MAGI1: variants seen among roughly 807,000 people sequenced by gnomAD.
MAGI1 encodes the protein membrane associated guanylate kinase, WW and PDZ domain containing 1.
In MAGI1, 58 loss-of-function variants were observed where a neutral mutation model predicts 139.9. The ratio of observed to expected loss-of-function variants is 0.41; its 90% confidence interval spans 0.34 to 0.52. The LOEUF (loss-of-function observed/expected upper bound fraction) is 0.52. Ranked by LOEUF, MAGI1 falls within the 20% of genes least tolerant of loss-of-function variation. The pLI, the probability that MAGI1 is intolerant of heterozygous loss-of-function variation, is 0.12. For synonymous variants in MAGI1, 812 were observed against 737.9 expected (o/e 1.10, Z -1.63); for missense variants, 1,874 against 1,901.6 (o/e 0.99, Z 0.27).
chr3:65,989,219 T>C (rs2066037621), intron 1 of MAGI1, among the ~76,000 whole-genome samples: 1 of 152,228 alleles, frequency 6.6e-6, no homozygotes, highest in African/African-American at 2.4e-5. Flanking sequence ...ATAGAAATAA[T>C]GTAAAACATA....
At chr3:65,696,281 T>C (rs1391304844) in intron 1 of MAGI1, among the ~76,000 whole-genome samples, 2 of 152,182 alleles carry the variant, frequency 1.3e-5, no homozygotes, top group Non-Finnish European at 2.9e-5. Flanking sequence ...CTTTCTGCCA[T>C]TTCATTCAGC....
rs1553705566 is a variant in MAGI1, at chr3:65,777,655, A to AG, written c.314-155568_314-155567insC. On this transcript the variant is annotated intron_variant, in intron 1 of 22. Coordinates refer to ENST00000402939, the MANE Select transcript of MAGI1 (RefSeq NM_001033057.2). ...AGACTCTTATCACAAAAAAAAAAAA[A>AG]AAAGAAAGAAAGAAAGAAAAAGAAA... 1.0e-3 allele frequency among the ~76,000 whole-genome samples: 147 copies of AG among 145,446 alleles called. 1 individual carries two copies. The highest frequency in any genetic ancestry group is 2.3e-3 in the African/African-American group (88 of 39,096).
chr3:65,828,904 G>A (rs371086687), intron 1 of MAGI1, among the ~76,000 whole-genome samples: 83 of 152,298 alleles, frequency 5.4e-4, no homozygotes, highest in African/African-American at 1.9e-3. Flanking sequence ...AGAGGCAGAG[G>A]GCCATGAGTC....
At chr3:65,903,208 G>A (rs2061310171) in intron 1 of MAGI1, among the ~76,000 whole-genome samples, 1 of 152,142 alleles carries the variant, frequency 6.6e-6, no homozygotes, top group African/African-American at 2.4e-5. Flanking sequence ...TGCCCAGGCT[G>A]GTTCTGAACT....
At chr3:65,745,142 G>T (rs28492055) in intron 1 of MAGI1, among the ~76,000 whole-genome samples, 2 of 151,902 alleles carry the variant, frequency 1.3e-5, no homozygotes, top group African/African-American at 4.8e-5. Context: ...AACTATTTTC[G>T]CATATTAAAT....
At chr3:66,010,695 C>T (rs1400789495) in intron 1 of MAGI1, among the ~76,000 whole-genome samples, 2 of 152,200 alleles carry the variant, frequency 1.3e-5, no homozygotes, top group Non-Finnish European at 2.9e-5. Context: ...ATCTAACTTT[C>T]TTTTCAGAAT....
At chr3:65,480,085 T>A (rs9817894) in intron 3 of MAGI1, among the ~76,000 whole-genome samples, 20,351 of 151,244 alleles carry the variant, frequency 0.13, 1,509 homozygotes, top group Middle Eastern at 0.19. Flanking sequence ...ACACACTGTA[T>A]CTTCCTAAGG....
At chr3:65,646,539 C>G (rs2085272271) in intron 1 of MAGI1, among the ~76,000 whole-genome samples, 1 of 152,056 alleles carries the variant, frequency 6.6e-6, no homozygotes, top group Admixed American at 6.6e-5. Context: ...TCAACACCTT[C>G]AAACAACAGG....
At chr3:65,494,926 A>G (rs1056529112) in intron 2 of MAGI1, among the ~76,000 whole-genome samples, 1 of 152,212 alleles carries the variant, frequency 6.6e-6, no homozygotes, top group Non-Finnish European at 1.5e-5. Flanking sequence ...ATAGCTGCAA[A>G]TTGGGCATAG....
chr3:65,999,729 C>T (rs1449580863), intron 1 of MAGI1, among the ~76,000 whole-genome samples: 1 of 152,102 alleles, frequency 6.6e-6, no homozygotes, highest in Non-Finnish European at 1.5e-5. Context: ...GCTCCACAAT[C>T]GTTTTGCCAT....
chr3:66,015,489 C>T (rs747404295), intron 1 of MAGI1, among the ~76,000 whole-genome samples: 23 of 152,044 alleles, frequency 1.5e-4, no homozygotes, highest in Non-Finnish European at 2.8e-4. Flanking sequence ...TCCTCTGTGC[C>T]TCAATTTCCT....
Position 65,437,134 on chromosome 3 carries a change from T to G in MAGI1, c.1363+21A>C. The G allele has an allele frequency of 2.0e-6, 3 of 1,530,244 alleles. No homozygotes were observed. The South Asian group carries it at 3.6e-5, about 18-fold the overall frequency. 94.8% of individuals were successfully genotyped at this position (1,530,244 alleles called of 1,614,324 possible). Reference sequence around the variant, plus strand: ...ATTTTGAGCTAAAACCATGACACAATTAGAAAGACAAGTACTTTACCCTGA... The same window carrying G: ...ATTTTGAGCTAAAACCATGACACAAGTAGAAAGACAAGTACTTTACCCTGA... On this transcript the variant is annotated intron_variant, in intron 10 of 22. Transcript: ENST00000402939.
At chr3:65,985,932 C>A (rs750726505) in intron 1 of MAGI1, among the ~76,000 whole-genome samples, 6 of 152,184 alleles carry the variant, frequency 3.9e-5, no homozygotes, top group Non-Finnish European at 5.9e-5. Flanking sequence ...AGTGACTTGG[C>A]TTAGAACTGT....
chr3:65,497,020 A>G (rs1013911139), intron 2 of MAGI1, among the ~76,000 whole-genome samples: 1 of 152,106 alleles, frequency 6.6e-6, no homozygotes, highest in African/African-American at 2.4e-5. Flanking sequence ...GGTTTTGGGA[A>G]AAGGGAAAAT....
intron 10 of MAGI1, among the ~76,000 whole-genome samples, chr3:65,434,690 G>A (rs989704652): frequency 6.6e-6 from 1 of 152,166 alleles, no homozygotes; most frequent in African/African-American, 2.4e-5. Context: ...TGAGGCTAAA[G>A]TCTAGGTTAA....
At chr3:65,597,636 C>A (rs752744054) in intron 2 of MAGI1, 8 of 455,358 alleles carry the variant, frequency 1.8e-5, no homozygotes, top group South Asian at 7.7e-5. Context: ...ACACCACACA[C>A]GGCATCTTCA....
chr3:65,500,799 A>G (rs143344681), intron 2 of MAGI1, among the ~76,000 whole-genome samples: 1 of 152,324 alleles, frequency 6.6e-6, no homozygotes, highest in African/African-American at 2.4e-5. Flanking sequence ...CCATGATATC[A>G]CCTGCTGTTA....
At chr3:65,570,920 C>T (rs1213370215) in intron 2 of MAGI1, among the ~76,000 whole-genome samples, 3 of 152,190 alleles carry the variant, frequency 2.0e-5, no homozygotes, top group Non-Finnish European at 4.4e-5. Flanking sequence ...AACAAGCAAA[C>T]CAAACTCAAT....
At chr3:65,416,682 A>G (rs2107241127) in intron 12 of MAGI1, among the ~76,000 whole-genome samples, 1 of 152,336 alleles carries the variant, frequency 6.6e-6, no homozygotes, top group South Asian at 2.1e-4. Context: ...TATTAACAAG[A>G]GTCTGAAATA....
Sources: gnomAD v4.1 joint callset for allele counts (sites outside exome capture counted in the v4.1 genomes callset) on GRCh38, gnomAD v4.1.1 for gene constraint, MANE v1.5 for transcripts, NCBI Gene and HGNC (gene_info 2026-07-23, HGNC 2026-07-21) for gene names.